The following WWOX variants were observed in gnomAD, a reference collection of about 807,000 sequenced individuals.
The protein encoded by WWOX is WW domain-containing oxidoreductase.
A neutral mutation model predicts 46.2 loss-of-function variants in WWOX; 69 were observed. That is an observed-to-expected ratio of 1.49 (90% CI 1.23 to 1.82). WWOX has a LOEUF of 1.82. Ranked by LOEUF, WWOX falls within the 40% of genes most tolerant of loss-of-function variation. WWOX has a pLI of 0.00. For missense variants in WWOX, 919 were observed against 542.6 expected (o/e 1.69, Z -6.89); for synonymous variants, 359 against 202.6 (o/e 1.77, Z -6.56).
chr16:78,569,436 T>C (rs2044658864), intron 8 of WWOX, among the ~76,000 whole-genome samples: 1 of 152,346 alleles, frequency 6.6e-6, no homozygotes, highest in South Asian at 2.1e-4. Context: ...TAATTTATCA[T>C]AAACCATTTA....
chr16:78,421,007 T>C (rs9936308), intron 6 of WWOX, among the ~76,000 whole-genome samples: 13,374 of 152,150 alleles, frequency 0.088, 1,690 homozygotes, highest in African/African-American at 0.28. Flanking sequence ...TTTATCCACT[T>C]CTCTGTTGTT....
At chr16:79,019,298 T>A (rs1597285271) in intron 8 of WWOX, among the ~76,000 whole-genome samples, 1 of 149,514 alleles carries the variant, frequency 6.7e-6, no homozygotes, top group East Asian at 2.0e-4. Context: ...CATCATGGAG[T>A]GCACGTACAC....
chr16:78,432,966 G>C (rs1177450861), intron 8 of WWOX, among the ~76,000 whole-genome samples: 1 of 152,158 alleles, frequency 6.6e-6, no homozygotes, highest in African/African-American at 2.4e-5. Context: ...GAAGATGTGG[G>C]TTTCAGTATC....
chr16:78,413,087 A>G (rs2082720210), intron 6 of WWOX, among the ~76,000 whole-genome samples: 1 of 152,208 alleles, frequency 6.6e-6, no homozygotes, highest in African/African-American at 2.4e-5. Flanking sequence ...TGCTAGCTGG[A>G]CAGAGCTGAT....
chr16:78,555,120 TTC>T (rs1024458188), intron 8 of WWOX, among the ~76,000 whole-genome samples: 2 of 150,592 alleles, frequency 1.3e-5, no homozygotes, highest in African/African-American at 4.9e-5. Flanking sequence ...CTATCTCTCT[TTC>T]TCTCTGTCTT....
rs146711674 is a variant in WWOX, at chr16:78,764,105, C to T, written c.1056+331353C>T. 3.1e-3 allele frequency among the ~76,000 whole-genome samples: 467 copies of T among 152,084 alleles called. 3 individuals carry two copies. The highest frequency in any genetic ancestry group is 0.031 in the Middle Eastern group (9 of 294). ...GATGTGAGTAGGATCAGCTGGTGCTCCAGGATAAAAATCGTGTCACCACTT... is the reference window on the plus strand; with the variant it reads ...GATGTGAGTAGGATCAGCTGGTGCTTCAGGATAAAAATCGTGTCACCACTT... On this transcript the variant is annotated intron_variant, in intron 8 of 8. Transcript: ENST00000566780.
At chr16:78,560,724 T>TA (rs1041879461) in intron 8 of WWOX, among the ~76,000 whole-genome samples, 12 of 151,958 alleles carry the variant, frequency 7.9e-5, no homozygotes, top group Non-Finnish European at 1.5e-4. Flanking sequence ...CTTAAGCAAT[T>TA]AAAAAAAAGC....
intron 8 of WWOX, among the ~76,000 whole-genome samples, chr16:79,050,144 G>A (rs1048790956): frequency 6.6e-6 from 1 of 152,142 alleles, no homozygotes; most frequent in Non-Finnish European, 1.5e-5. Flanking sequence ...ACGGCAATCA[G>A]TATTTACTTC....
chr16:78,344,961 T>A lies in WWOX; in HGVS notation c.517-41899T>A. ...GGGAACTCTGGAAAGTCACTTAACC[T>A]CTCTGAGCAAGCTTCCATTTTTCCA... is the stretch of plus-strand genomic sequence containing the variant. On this transcript the variant is annotated intron_variant, in intron 5 of 8. Coordinates refer to ENST00000566780, the MANE Select transcript of WWOX (RefSeq NM_016373.4). Among the ~76,000 whole-genome samples the A allele has an allele frequency of 1.7e-5, 2 of 120,406 alleles. 1 individual carries two copies. The highest frequency in any genetic ancestry group is 4.0e-5 in the Non-Finnish European group (2 of 50,474). 79.0% of individuals were successfully genotyped at this position (120,406 alleles called of 152,430 possible).
chr16:78,716,133 C>G (rs1279640334), intron 8 of WWOX, among the ~76,000 whole-genome samples: 2 of 151,900 alleles, frequency 1.3e-5, no homozygotes, highest in Non-Finnish European at 2.9e-5. Flanking sequence ...CCAATATGCA[C>G]ATAAAGGGGA....
intron 8 of WWOX, among the ~76,000 whole-genome samples, chr16:78,625,148 A>T (rs1343341524): frequency 1.3e-5 from 2 of 152,176 alleles, no homozygotes; most frequent in African/African-American, 4.8e-5. Context: ...TTGCTGGAGA[A>T]CATCACCAAT....
intron 4 of WWOX, among the ~76,000 whole-genome samples, chr16:78,141,843 A>T (rs1221334308): frequency 6.6e-6 from 1 of 152,150 alleles, no homozygotes; most frequent in Non-Finnish European, 1.5e-5. Context: ...GAAATTTCCT[A>T]AATAACTGGC....
intron 8 of WWOX, among the ~76,000 whole-genome samples, chr16:79,141,243 C>T (rs966070410): frequency 1.3e-5 from 2 of 152,200 alleles, no homozygotes; most frequent in African/African-American, 4.8e-5. Flanking sequence ...CATTTCAAGT[C>T]TTCCTACCTT....
intron 8 of WWOX, among the ~76,000 whole-genome samples, chr16:78,436,532 T>G (rs1319457779): frequency 6.6e-6 from 1 of 152,226 alleles, no homozygotes; most frequent in Non-Finnish European, 1.5e-5. Context: ...TGTATTTATA[T>G]ATTTAAGCGT....
chr16:79,085,941 A>T (rs899513984), intron 8 of WWOX, among the ~76,000 whole-genome samples: 1 of 151,948 alleles, frequency 6.6e-6, no homozygotes, highest in African/African-American at 2.4e-5. Context: ...AGTCCCAGCT[A>T]CTCACCTGTA....
chr16:78,205,683 A>G (rs1270240822), intron 5 of WWOX, among the ~76,000 whole-genome samples: 1 of 150,894 alleles, frequency 6.6e-6, no homozygotes, highest in Non-Finnish European at 1.5e-5. Context: ...ACATCCATAC[A>G]CATCCATCTG....
intron 8 of WWOX, among the ~76,000 whole-genome samples, chr16:78,659,427 C>G (rs959845312): frequency 1.3e-5 from 2 of 152,134 alleles, no homozygotes; most frequent in African/African-American, 4.8e-5. Context: ...CCCCACCCCG[C>G]CAGACTTCCT....
Position 79,211,998 on chromosome 16 carries a change from G to A in WWOX, c.*202G>A. 4 of 1,498,822 alleles carry A rather than the reference G, an allele frequency of 2.7e-6. No homozygotes were observed. The highest frequency in any genetic ancestry group is 1.2e-5 in the South Asian group (1 of 83,260). 92.8% of individuals were successfully genotyped at this position (1,498,822 alleles called of 1,614,324 possible). On this transcript the variant is annotated 3_prime_UTR_variant, in exon 9 of 9. Transcript: ENST00000566780. ...TGGGGTAAAGTATCACTTTTCTGGGGCTGGGCTAGGCATAGGTCTCTTTGC... is the reference window on the plus strand; with the variant it reads ...TGGGGTAAAGTATCACTTTTCTGGGACTGGGCTAGGCATAGGTCTCTTTGC...
intron 8 of WWOX, among the ~76,000 whole-genome samples, chr16:78,663,268 T>A (rs1423209072): frequency 6.6e-6 from 1 of 152,332 alleles, no homozygotes; most frequent in Non-Finnish European, 1.5e-5. Flanking sequence ...CCAACTGACT[T>A]CTTTCATTTA....
Sources: allele counts gnomAD v4.1 joint callset (sites outside exome capture counted in the v4.1 genomes callset), GRCh38; gene constraint gnomAD v4.1.1; transcripts MANE v1.5; gene names NCBI Gene and HGNC (gene_info 2026-07-23, HGNC 2026-07-21).